Variants in SEPSECS observed in about 807,000 individuals in gnomAD.
SEPSECS encodes the protein O-phosphoseryl-tRNA(Sec) selenium transferase.
SEPSECS carries 42 observed loss-of-function variants against 52.1 expected under a neutral mutation model. The ratio of observed to expected loss-of-function variants is 0.81; its 90% CI spans 0.63 to 1.04. The LOEUF is 1.04. Among genes scored for constraint, SEPSECS ranks in the 50% least tolerant of loss-of-function variants. The pLI is 0.00. For synonymous variants in SEPSECS, 216 were observed against 211.4 expected, an observed-to-expected ratio of 1.02 and a Z score of -0.19; for missense variants, 590 against 610.6, an observed-to-expected ratio of 0.97 and a Z score of 0.36.
rs36042550 is a variant in SEPSECS at position 25,122,356 on chromosome 4, G to GA, written c.*1574dup. On this transcript the variant is annotated 3_prime_UTR_variant, in exon 11 of 11. Coordinates refer to ENST00000382103, the MANE Select transcript of SEPSECS (RefSeq NM_016955.4). ...AATGTACAACGTCACCAAAATACCA[G>GA]AAAATCCCTTTCTCATACATAGGTT... 6.6e-6 allele frequency: 1 copy of GA among 152,064 alleles called. No individual in the cohort carries two copies. Among genetic ancestry groups the GA allele is most frequent in the Non-Finnish European group, 1.5e-5 (1 of 68,024 alleles). 9.4% of individuals were successfully genotyped at this position (152,064 alleles called of 1,614,324 possible).
rs1344515441 is a variant in SEPSECS, at chr4:25,156,912, G to C, written c.332C>G (p.Ser111Cys). ...ATTGGTAATTTTGTTCAAAAGGCTA[G>C]AGCCTGCAGCTTTTGGTTGCACAGC... ...ISAVQPKAAGSSLLNKITNSL... is the reference protein window; with the variant it reads ...ISAVQPKAAGCSLLNKITNSL... The change falls in exon 3 of 11, where the codon TCT becomes TGT. Residue 111 changes from serine to cysteine, a missense_variant. Physicochemically the swap from Ser to Cys is moderately radical, Grantham distance 112. Transcript: ENST00000382103. 2 of 1,613,424 alleles carry C rather than the reference G, an allele frequency of 1.2e-6. No homozygotes were observed. Among genetic ancestry groups the C allele is most frequent in the East Asian group, 2.2e-5 (1 of 44,882 alleles).
chr4:25,158,806 T>C (rs1712853779), intron 2 of SEPSECS, 147 bp downstream of exon 2: 1 of 751,370 alleles, frequency 1.3e-6, no homozygotes, highest in African/African-American at 1.8e-5. Context: ...ATCTCCCTGT[T>C]GCATTTGGCT....
intron 6 of SEPSECS, among the ~76,000 whole-genome samples, chr4:25,150,610 A>G (rs1255827759): frequency 6.6e-6 from 1 of 152,236 alleles, no homozygotes; most frequent in Non-Finnish European, 1.5e-5. Context: ...ACATTGTAAG[A>G]CACCACTGAT....
chr4:25,128,443 A>C (rs13118730), intron 8 of SEPSECS, among the ~76,000 whole-genome samples: 57,397 of 151,784 alleles, frequency 0.38, 12,930 homozygotes, highest in Non-Finnish European at 0.5. Context: ...AAAAACAAAA[A>C]CAAAAACAAA....
At chr4:25,157,061 A>G (rs1315455143) in intron 2 of SEPSECS, 87 bp from the exon 3 acceptor site, 2 of 801,232 alleles carry the variant, frequency 2.5e-6, no homozygotes, top group Non-Finnish European at 4.5e-6. Context: ...TAATAACCAA[A>G]AAAACACCAG....
intron 8 of SEPSECS, among the ~76,000 whole-genome samples, chr4:25,130,330 A>T (rs754406409): frequency 7.9e-5 from 12 of 152,244 alleles, no homozygotes; most frequent in Non-Finnish European, 1.3e-4. Context: ...ACACCCCTGG[A>T]GGGTGCTTTT....
intron 8 of SEPSECS, among the ~76,000 whole-genome samples, chr4:25,132,490 C>G (rs1728649204): frequency 1.3e-5 from 2 of 152,030 alleles, no homozygotes; most frequent in African/African-American, 4.8e-5. Context: ...TGCAACAAAT[C>G]CAATAAAAAA....
At chr4:25,145,731 TA>T (rs1195523699) in intron 6 of SEPSECS, among the ~76,000 whole-genome samples, 3 of 152,198 alleles carry the variant, frequency 2.0e-5, no homozygotes, top group Admixed American at 1.3e-4. Context: ...GTGGCCACCA[TA>T]ACCTAATGGA....
At chr4:25,126,077 C>G (rs1728352705) in intron 9 of SEPSECS, among the ~76,000 whole-genome samples, 1 of 151,988 alleles carries the variant, frequency 6.6e-6, no homozygotes, top group Non-Finnish European at 1.5e-5. Context: ...GCTGTTTATT[C>G]AAATTCAACC....
Position 25,127,175 on chromosome 4 carries a change from A to G in SEPSECS, c.1120+89T>C. The G allele has an allele frequency of 3.8e-6, 3 of 793,536 alleles. No homozygotes were observed. The South Asian group carries it at 4.6e-5, about 12-fold the overall frequency. 49.2% of individuals were successfully genotyped at this position (793,536 alleles called of 1,614,324 possible). ...TGAATTTATAAATATCATTATAACT[A>G]GAAAGAGTTTTCTCTCCTTCTAGAA... On this transcript the variant is annotated intron_variant, in intron 9 of 10. Coordinates refer to ENST00000382103, the MANE Select transcript of SEPSECS (RefSeq NM_016955.4).
intron 8 of SEPSECS, among the ~76,000 whole-genome samples, chr4:25,143,508 T>A (rs13126952): frequency 0.046 from 7,006 of 152,306 alleles, 203 homozygotes; most frequent in East Asian, 0.15. Context: ...TGTTGCATAT[T>A]TCGGTACATT....
chr4:25,160,567 G>A (rs888483774), upstream of SEPSECS: 1 of 511,754 alleles, frequency 2.0e-6, no homozygotes, highest in Non-Finnish European at 3.5e-6. Flanking sequence ...CGCTCCAGGA[G>A]GAAGTTGGCG....
chr4:25,159,745 C>T, intron 1 of SEPSECS: 1 of 987,044 alleles, frequency 1.0e-6, no homozygotes, highest in Non-Finnish European at 1.3e-6. Context: ...GCATTCCAGC[C>T]TGGGCGAAAG....
chr4:25,127,481 A>C (rs1381238129), intron 8 of SEPSECS, 124 bp from the exon 9 acceptor site: 2 of 710,576 alleles, frequency 2.8e-6, no homozygotes, highest in African/African-American at 1.8e-5. Flanking sequence ...CTTAAGACCA[A>C]TTCTCTCCTT....
chr4:25,145,307 T>C (rs1377935845), intron 6 of SEPSECS, among the ~76,000 whole-genome samples, 174 bp from the exon 7 acceptor site: 3 of 152,210 alleles, frequency 2.0e-5, no homozygotes, highest in East Asian at 1.9e-4. Context: ...ACTGTAAATA[T>C]ATACAATTTT....
At chr4:25,136,587 A>C (rs1466502282) in intron 8 of SEPSECS, among the ~76,000 whole-genome samples, 1 of 152,222 alleles carries the variant, frequency 6.6e-6, no homozygotes, top group Non-Finnish European at 1.5e-5. Context: ...ATGTAAAAAC[A>C]TTCCATATTA....
chr4:25,139,714 G>T (rs1728984979), intron 8 of SEPSECS, among the ~76,000 whole-genome samples: 1 of 152,098 alleles, frequency 6.6e-6, no homozygotes, highest in Non-Finnish European at 1.5e-5. Flanking sequence ...ACCAAGGTGG[G>T]GGAACAGGAG....
chr4:25,146,887 C>T (rs1204027291), intron 6 of SEPSECS, among the ~76,000 whole-genome samples: 1 of 152,204 alleles, frequency 6.6e-6, no homozygotes, highest in African/African-American at 2.4e-5. Flanking sequence ...CTGCAACAGC[C>T]TTCCACTCTT....
intron 8 of SEPSECS, among the ~76,000 whole-genome samples, chr4:25,142,265 A>G (rs1711605793): frequency 6.6e-6 from 1 of 152,066 alleles, no homozygotes; most frequent in Non-Finnish European, 1.5e-5. Context: ...TGACAGAACG[A>G]GACTCCATCT....
Sources: allele counts gnomAD v4.1 joint callset (sites outside exome capture counted in the v4.1 genomes callset), GRCh38; gene constraint gnomAD v4.1.1; transcripts MANE v1.5; gene names NCBI Gene and HGNC (gene_info 2026-07-23, HGNC 2026-07-21).